The following SNTG1 variants were observed in gnomAD, a reference collection of about 807,000 sequenced individuals.
SNTG1 encodes gamma-1-syntrophin.
In SNTG1, 39 loss-of-function variants were observed where a neutral mutation model predicts 74.7. The ratio of observed to expected loss-of-function variants is 0.52; its 90% confidence interval spans 0.40 to 0.68. The LOEUF is 0.68. Ranked by LOEUF, SNTG1 falls within the 30% of genes least tolerant of loss-of-function variation. The probability of loss-of-function intolerance (pLI) is 0.00; values close to 1 mark genes in which losing one functional copy is unlikely to be tolerated. For synonymous variants in SNTG1, 254 were observed against 217.1 expected, an observed-to-expected ratio of 1.17 and a Z score of -1.49; for missense variants, 685 against 609.5, an observed-to-expected ratio of 1.12 and a Z score of -1.30.
At chr8:50,768,110 G>C (rs1479565847) in intron 18 of SNTG1, among the ~76,000 whole-genome samples, 1 of 151,898 alleles carries the variant, frequency 6.6e-6, no homozygotes, top group East Asian at 1.9e-4. Context: ...GATCATCGGA[G>C]GCTCCTTTTC....
intron 2 of SNTG1, among the ~76,000 whole-genome samples, chr8:50,389,285 A>G (rs2092621219): frequency 6.6e-6 from 1 of 152,180 alleles, no homozygotes; most frequent in African/African-American, 2.4e-5. Flanking sequence ...TTATGGCTAT[A>G]CATGTATACT....
intron 15 of SNTG1, among the ~76,000 whole-genome samples, chr8:50,684,980 C>T (rs1229399486): frequency 6.8e-6 from 1 of 146,556 alleles, no homozygotes; most frequent in Non-Finnish European, 1.5e-5. Flanking sequence ...TGCTACTTAC[C>T]TTTACTCAAA....
chr8:49,929,583 C>A (rs1163627093), intron 1 of SNTG1, among the ~76,000 whole-genome samples: 1 of 152,206 alleles, frequency 6.6e-6, no homozygotes, highest in Admixed American at 6.5e-5. Context: ...GGGGCTGCCC[C>A]CCTCCCATCC....
At chr8:50,556,515 A>C (rs1202254934) in intron 12 of SNTG1, among the ~76,000 whole-genome samples, 1 of 152,194 alleles carries the variant, frequency 6.6e-6, no homozygotes, top group East Asian at 1.9e-4. Context: ...TAATTTACCA[A>C]TTTTTTATTC....
chr8:49,939,028 T>C (rs1322935601), intron 1 of SNTG1, among the ~76,000 whole-genome samples: 1 of 152,178 alleles, frequency 6.6e-6, no homozygotes, highest in Non-Finnish European at 1.5e-5. Flanking sequence ...AGTAGTGAAA[T>C]AAGACTTTAG....
chr8:49,921,464 G>A (rs545916853), intron 1 of SNTG1, among the ~76,000 whole-genome samples: 54 of 152,226 alleles, frequency 3.5e-4, no homozygotes, highest in African/African-American at 1.2e-3. Flanking sequence ...TCAAATCAAG[G>A]ATAGACAGTA....
intron 8 of SNTG1, among the ~76,000 whole-genome samples, chr8:50,492,680 G>A (rs917801775): frequency 2.6e-5 from 4 of 152,154 alleles, no homozygotes; most frequent in African/African-American, 4.8e-5. Flanking sequence ...CCATTCTGTA[G>A]GTTGCCTGTT....
intron 13 of SNTG1, among the ~76,000 whole-genome samples, chr8:50,618,633 C>A (rs777658529): frequency 2.0e-5 from 3 of 152,196 alleles, no homozygotes; most frequent in Non-Finnish European, 4.4e-5. Context: ...GTATTCTCAT[C>A]TGGAGGCTCC....
At chr8:50,288,337 A>C (rs2130523207) in intron 2 of SNTG1, among the ~76,000 whole-genome samples, 1 of 152,326 alleles carries the variant, frequency 6.6e-6, no homozygotes, top group East Asian at 1.9e-4. Context: ...AAGTAACAAA[A>C]AAAAATTAAA....
chr8:50,214,996 G>C (rs941401310), intron 2 of SNTG1, among the ~76,000 whole-genome samples: 1 of 152,166 alleles, frequency 6.6e-6, no homozygotes, highest in Non-Finnish European at 1.5e-5. Context: ...CAAAGGCAAA[G>C]AAATCTGTTT....
chr8:50,557,168 C>T lies in SNTG1; in HGVS notation c.810+3989C>T, dbSNP rs578122873. The stretch of plus-strand genomic sequence containing the variant: ...CTTCTTTAGGGGCTGATCCCTCCTA[C>T]AGTATCAGGCGGGTGGTGGCAGGGG... On this transcript the variant is annotated intron_variant, in intron 12 of 18. Transcript: ENST00000642720. Among the ~76,000 whole-genome samples the T allele has an allele frequency of 2.0e-5, 3 of 146,432 alleles. No individual in the cohort carries two copies. The South Asian group carries it at 6.4e-4, about 31-fold the overall frequency.
At chr8:50,290,629 T>C (rs2089042495) in intron 2 of SNTG1, among the ~76,000 whole-genome samples, 1 of 152,224 alleles carries the variant, frequency 6.6e-6, no homozygotes, top group Middle Eastern at 3.2e-3. Context: ...TATTACTTTA[T>C]TGTCCTTATT....
intron 1 of SNTG1, among the ~76,000 whole-genome samples, chr8:50,159,453 G>A (rs9298278): frequency 0.43 from 66,073 of 151,926 alleles, 18,080 homozygotes; most frequent in African/African-American, 0.79. Flanking sequence ...CATCCATCTG[G>A]TTTTAAACTT....
intron 1 of SNTG1, among the ~76,000 whole-genome samples, chr8:50,152,163 G>A (rs13438861): frequency 6.6e-6 from 1 of 151,944 alleles, no homozygotes; most frequent in African/African-American, 2.4e-5. Context: ...TTATGTAATG[G>A]CCTTCTTTGT....
chr8:50,087,782 TA>T (rs1230278481), intron 1 of SNTG1, among the ~76,000 whole-genome samples: 2 of 152,056 alleles, frequency 1.3e-5, no homozygotes, highest in Non-Finnish European at 2.9e-5. Flanking sequence ...ATTTTTTATT[TA>T]TTTATTTTTT....
At chr8:50,531,545 A>G (rs187268586) in intron 10 of SNTG1, among the ~76,000 whole-genome samples, 6 of 152,172 alleles carry the variant, frequency 3.9e-5, no homozygotes, top group Admixed American at 2.0e-4. Context: ...ATTTCGATCC[A>G]CTTCTGTTTT....
At chr8:50,733,378 G>C (rs2095517762) in intron 17 of SNTG1, among the ~76,000 whole-genome samples, 1 of 151,892 alleles carries the variant, frequency 6.6e-6, no homozygotes, top group African/African-American at 2.4e-5. Flanking sequence ...TGTGAATAGT[G>C]CAGCAATGAA....
intron 15 of SNTG1, among the ~76,000 whole-genome samples, chr8:50,669,653 T>C (rs199758843): frequency 2.0e-5 from 3 of 151,960 alleles, no homozygotes; most frequent in Admixed American, 1.3e-4. Context: ...ACTATTCCAA[T>C]CAATAGAAAA....
At chr8:50,262,283 A>C (rs958333182) in intron 2 of SNTG1, among the ~76,000 whole-genome samples, 1 of 152,244 alleles carries the variant, frequency 6.6e-6, no homozygotes, top group Non-Finnish European at 1.5e-5. Flanking sequence ...AGTTTCCAGC[A>C]GAGGAAACTA....
Sources: allele counts gnomAD v4.1 joint callset (sites outside exome capture counted in the v4.1 genomes callset), GRCh38; gene constraint gnomAD v4.1.1; transcripts MANE v1.5; gene names NCBI Gene and HGNC (gene_info 2026-07-23, HGNC 2026-07-21).